Variants in NINJ2 observed in about 807,000 individuals in gnomAD.
NINJ2 encodes ninjurin-2.
In NINJ2, 12 loss-of-function variants were observed where a neutral mutation model predicts 11.7. The ratio of observed to expected loss-of-function variants is 1.02; its 90% CI spans 0.66 to 1.66. NINJ2 has a LOEUF of 1.66. Ranked by LOEUF, NINJ2 falls within the 40% of genes most tolerant of loss-of-function variation. The pLI is 0.00. For missense variants in NINJ2, 187 were observed against 181.8 expected, an observed-to-expected ratio of 1.03 and a Z score of -0.16; for synonymous variants, 93 against 76.8, an observed-to-expected ratio of 1.21 and a Z score of -1.10.
At chr12:636,143 G>A (rs902616117) in intron 1 of NINJ2, among the ~76,000 whole-genome samples, 7 of 152,112 alleles carry the variant, frequency 4.6e-5, no homozygotes, top group Non-Finnish European at 1.0e-4. Flanking sequence ...TTGGGAGGCC[G>A]AGGCGGGTGG....
intron 1 of NINJ2, among the ~76,000 whole-genome samples, chr12:648,467 G>A (rs576434510): frequency 4.6e-5 from 7 of 152,310 alleles, no homozygotes; most frequent in East Asian, 1.9e-4. Context: ...AACATCACAC[G>A]TCTCTGGACC....
rs1421359737 is a variant in NINJ2, at chr12:565,380, A to C, written c.284T>G (p.Val95Gly). ...VVIARLNLNE[V>G]EKQWRLNQLN... is the part of the protein sequence containing the mutation. ...CTGGTTGAGTCGCCACTGCTTTTCTACCTCATTCAGGTTCAGCCGTGCTGC... is the reference window on the plus strand; with the variant it reads ...CTGGTTGAGTCGCCACTGCTTTTCTCCCTCATTCAGGTTCAGCCGTGCTGC... Residue 95 changes from valine (V) to glycine (G), a missense_variant, in exon 3 of 4, where the codon GTA becomes GGA. By Grantham distance (109) the Val-to-Gly change is moderately radical. Coordinates refer to ENST00000305108, the MANE Select transcript of NINJ2 (RefSeq NM_016533.6). The C allele has an allele frequency of 6.2e-7, 1 of 1,614,046 alleles. No individual in the cohort carries two copies. The highest frequency in any genetic ancestry group is 8.5e-7 in the Non-Finnish European group (1 of 1,179,994).
At chr12:642,918 C>T (rs1948439977) in intron 1 of NINJ2, 1 of 149,236 alleles carries the variant, frequency 6.7e-6, no homozygotes, top group Non-Finnish European at 1.5e-5. Flanking sequence ...CCTGCGCCCT[C>T]GCGCTCCCGG....
intron 2 of NINJ2, 190 bp downstream of exon 2, chr12:565,755 AGACAG>A: frequency 3.0e-6 from 2 of 664,416 alleles, no homozygotes; most frequent in South Asian, 1.7e-5. Flanking sequence ...GGATACCAGG[AGACAG>A]GACAGGGCGC....
At chr12:601,572 T>A (rs1024758033) in intron 1 of NINJ2, among the ~76,000 whole-genome samples, 2 of 120,158 alleles carry the variant, frequency 1.7e-5, no homozygotes, top group African/African-American at 3.3e-5. Flanking sequence ...AATAAATAAA[T>A]AAAACAAATA....
rs2120836593 is a variant in NINJ2, at chr12:581,706, G to C, written c.34-15528C>G. Among the ~76,000 whole-genome samples, 1 of 152,260 alleles carries C rather than the reference G, an allele frequency of 6.6e-6. No individual in the cohort carries two copies. Among genetic ancestry groups the C allele is most frequent in the Middle Eastern group, 3.4e-3 (1 of 294 alleles). ...GGTGCAGGGATCTGATCCCACTGCT[G>C]ACCATCCAACTCACGCAGCTTCGGT... is the stretch of plus-strand genomic sequence containing the variant. On this transcript the variant is annotated intron_variant, in intron 1 of 3. Coordinates refer to ENST00000305108, the MANE Select transcript of NINJ2 (RefSeq NM_016533.6). This position sits in a 1 kb window ranked among gnomAD's most constrained non-coding sequence, Gnocchi z 4.9.
In NINJ2 at chr12:614,957, G is replaced by T. The variant is rs1948073813; in HGVS notation, c.33+48371C>A. Among the ~76,000 whole-genome samples, 1 of 152,186 alleles carries T rather than the reference G, an allele frequency of 6.6e-6. No individual in the cohort carries two copies. The highest frequency in any genetic ancestry group is 1.5e-5 in the Non-Finnish European group (1 of 68,044). ...AAGATGCAGGCTTGAGGTCTTAACT[G>T]CTTCCATTTAGCGCACAAGCCCACG... On this transcript the variant is annotated intron_variant, in intron 1 of 3. Coordinates refer to ENST00000305108, the MANE Select transcript of NINJ2 (RefSeq NM_016533.6). The surrounding 1 kb of genome is among the most constrained non-coding windows in gnomAD (Gnocchi z 5.1).
intron 1 of NINJ2, among the ~76,000 whole-genome samples, chr12:631,602 T>C (rs1948283110): frequency 6.6e-6 from 1 of 152,150 alleles, no homozygotes. Context: ...GACCTCGTGA[T>C]CCGCCTGCCT....
rs1948234717 is a variant in NINJ2 at position 628,488 on chromosome 12, A to G, written c.33+34840T>C. The stretch of plus-strand genomic sequence containing the variant: ...AGTTAATAGCATTTCCTCATTTTAC[A>G]GACAGGGAAAGCAAAAAACATAAGC... On this transcript the variant is annotated intron_variant, in intron 1 of 3. Transcript: ENST00000305108. The surrounding 1 kb of genome is among the most constrained non-coding windows in gnomAD (Gnocchi z 4.4). 6.6e-6 allele frequency among the ~76,000 whole-genome samples: 1 copy of G among 152,226 alleles called. No individual in the cohort carries two copies. The highest frequency in any genetic ancestry group is 2.1e-4 in the South Asian group (1 of 4,836).
chr12:565,413 T>A lies in NINJ2; in HGVS notation c.263-12A>T. On this transcript the variant is annotated splice_polypyrimidine_tract_variant and intron_variant, in intron 2 of 3. Coordinates refer to ENST00000305108, the MANE Select transcript of NINJ2 (RefSeq NM_016533.6). Reference sequence around the variant, plus strand: ...CAGGTTCAGCCGTGCTGCAGGGAAGTGGAGTGGGGGGAAAGGGTCAGAGAC... The same window carrying A: ...CAGGTTCAGCCGTGCTGCAGGGAAGAGGAGTGGGGGGAAAGGGTCAGAGAC... The A allele has an allele frequency of 6.2e-7, 1 of 1,612,758 alleles. No homozygotes were observed. Among genetic ancestry groups the A allele is most frequent in the Non-Finnish European group, 8.5e-7 (1 of 1,179,472 alleles).
intron 1 of NINJ2, among the ~76,000 whole-genome samples, chr12:634,440 T>C (rs1044032407): frequency 1.3e-5 from 2 of 151,998 alleles, no homozygotes; most frequent in African/African-American, 4.8e-5. Flanking sequence ...TTTGTATTTT[T>C]AGTAGAGACG....
intron 1 of NINJ2, among the ~76,000 whole-genome samples, chr12:606,852 A>G (rs1287010191): frequency 6.6e-6 from 1 of 152,154 alleles, no homozygotes; most frequent in Admixed American, 6.5e-5. Flanking sequence ...CACTAAGCAG[A>G]ACAGAGGGGA....
At chr12:643,797 C>T (rs778158632) in intron 1 of NINJ2, 72 of 504,610 alleles carry the variant, frequency 1.4e-4, no homozygotes, top group African/African-American at 1.9e-4. Context: ...ACTGTTTTGC[C>T]ACTTTTGGGG....
intron 1 of NINJ2, among the ~76,000 whole-genome samples, chr12:583,408 G>A (rs1274929177): frequency 6.6e-6 from 1 of 152,246 alleles, no homozygotes; most frequent in Admixed American, 6.5e-5. Context: ...AGACCTCCAA[G>A]GCCACCAAAC....
intron 1 of NINJ2, among the ~76,000 whole-genome samples, chr12:608,764 A>G (rs1038501324): frequency 6.6e-6 from 1 of 152,230 alleles, no homozygotes; most frequent in African/African-American, 2.4e-5. Context: ...TCAGAGGAAA[A>G]GATCTGGATT....
At chr12:568,396 G>C (rs571759089) in intron 1 of NINJ2, among the ~76,000 whole-genome samples, 3 of 152,062 alleles carry the variant, frequency 2.0e-5, no homozygotes, top group Non-Finnish European at 4.4e-5. Context: ...TCAGCCCCAC[G>C]TCTCCACCCT....
chr12:635,010 G>A (rs549980487), intron 1 of NINJ2, among the ~76,000 whole-genome samples: 13 of 151,658 alleles, frequency 8.6e-5, no homozygotes, highest in Non-Finnish European at 4.4e-5. Context: ...CTGCCAAAGT[G>A]CTGGGATTAC....
At chr12:587,075 C>T (rs7956951) in intron 1 of NINJ2, among the ~76,000 whole-genome samples, 40,565 of 152,160 alleles carry the variant, frequency 0.27, 5,731 homozygotes, top group South Asian at 0.37. Flanking sequence ...GCTCCCCAAG[C>T]ACAGTTTCTT....
intron 1 of NINJ2, among the ~76,000 whole-genome samples, chr12:639,555 GA>G (rs950986532): frequency 6.6e-6 from 1 of 151,752 alleles, no homozygotes; most frequent in Non-Finnish European, 1.5e-5. Context: ...GAACAGAAAA[GA>G]AAAAAAAGTC....
Sources: allele counts gnomAD v4.1 joint callset (sites outside exome capture counted in the v4.1 genomes callset), GRCh38; gene constraint gnomAD v4.1.1; non-coding constraint Gnocchi (gnomAD v3.1); transcripts MANE v1.5; gene names NCBI Gene and HGNC (gene_info 2026-07-23, HGNC 2026-07-21).